Variants in KATNAL1 observed in about 807,000 individuals in gnomAD.
KATNAL1 encodes the protein katanin p60 ATPase-containing subunit A-like 1.
In KATNAL1, 32 loss-of-function variants were observed where a neutral mutation model predicts 55.2. That is an observed-to-expected ratio of 0.58 (90% CI 0.44 to 0.78). The LOEUF (loss-of-function observed/expected upper bound fraction) is 0.78, where lower values mean the gene tolerates loss of function less well. Among genes scored for constraint, KATNAL1 ranks in the 30% least tolerant of loss-of-function variants. The pLI is 0.00. For missense variants in KATNAL1, 466 were observed against 600.9 expected (o/e 0.78, Z 2.35); for synonymous variants, 193 against 193.6 (o/e 1.00, Z 0.02).
chr13:30,231,544 T>G, intron 6 of KATNAL1, 72 bp from the exon 7 acceptor site: 3 of 946,494 alleles, frequency 3.2e-6, no homozygotes, highest in Non-Finnish European at 4.4e-6. Context: ...CATCAGCTAT[T>G]AATGTACATT....
At chr13:30,242,414 G>A (rs1230824576) in intron 4 of KATNAL1, among the ~76,000 whole-genome samples, 4 of 152,094 alleles carry the variant, frequency 2.6e-5, no homozygotes, top group Admixed American at 6.5e-5. Flanking sequence ...CATCTTCTAC[G>A]TGCAATACAT....
chr13:30,240,337 G>A, intron 6 of KATNAL1, 123 bp downstream of exon 6: 2 of 636,786 alleles, frequency 3.1e-6, no homozygotes, highest in Non-Finnish European at 2.8e-6. Flanking sequence ...TGTTTTGGGT[G>A]TACATAAACT....
At position 30,230,546 on chromosome 13, in the gene KATNAL1, T is replaced by C. The variant is rs1477759601; in HGVS notation, c.934A>G (p.Ile312Val). Reference protein sequence around the residue: ...TTIFIDEIDSICSRRGTSDEH... With the variant: ...TTIFIDEIDSVCSRRGTSDEH... ...TCAGAGGTTCCTCTTCGACTGCAGA[T>C]AGAATCTATCTCATCAATGAAGATC... Residue 312 changes from isoleucine (I) to valine (V), a missense_variant, in exon 8 of 11, where the codon ATC (isoleucine) becomes GTC (valine). Physicochemically the swap from Ile to Val is conservative, Grantham distance 29. This residue lies in a region of KATNAL1 where 213 missense variants were observed against 308.6 expected (regional missense o/e 0.69). Transcript: ENST00000380615. 8 of 1,612,526 alleles carry C rather than the reference T, an allele frequency of 5.0e-6. No homozygotes were observed. Among genetic ancestry groups the C allele is most frequent in the South Asian group, 1.1e-5 (1 of 91,028 alleles).
intron 3 of KATNAL1, among the ~76,000 whole-genome samples, chr13:30,262,846 G>A (rs1274031407): frequency 6.6e-6 from 1 of 151,734 alleles, no homozygotes; most frequent in Admixed American, 6.6e-5. Flanking sequence ...AGAAAAAGAG[G>A]GAATCCTCCC....
intron 1 of KATNAL1, among the ~76,000 whole-genome samples, chr13:30,286,924 G>T (rs571093312): frequency 6.6e-6 from 1 of 152,314 alleles, no homozygotes; most frequent in African/African-American, 2.4e-5. Context: ...TTTAATGACT[G>T]CCCGATTGGA....
rs1422575035 is a variant in KATNAL1 at position 30,260,901 on chromosome 13, CCA to C, written c.324-5288_324-5287del. 2.0e-5 allele frequency among the ~76,000 whole-genome samples: 3 copies of C among 149,896 alleles called. No individual in the cohort carries two copies. In the East Asian group the frequency reaches 5.8e-4, roughly 29 times the overall value. Reference sequence around the variant, plus strand: ...AAGATACTCCTCGAGAAGAGCAACTCCAAGACACATAATTGTCAGATTCACCA... The same window carrying C: ...AAGATACTCCTCGAGAAGAGCAACTCAGACACATAATTGTCAGATTCACCA... On this transcript the variant is annotated intron_variant, in intron 3 of 10. Transcript: ENST00000380615.
intron 3 of KATNAL1, among the ~76,000 whole-genome samples, chr13:30,268,356 C>G (rs1287675697): frequency 6.6e-6 from 1 of 152,112 alleles, no homozygotes; most frequent in Non-Finnish European, 1.5e-5. Flanking sequence ...AAGAGAACTG[C>G]CAGCTATAGA....
Position 30,207,190 on chromosome 13 carries a change from A to G in KATNAL1, c.*1350T>C, listed in dbSNP as rs1205734983. The G allele has an allele frequency of 6.6e-6, 1 of 152,238 alleles. No homozygotes were observed. The highest frequency in any genetic ancestry group is 2.4e-5 in the African/African-American group (1 of 41,466). 9.4% of individuals were successfully genotyped at this position (152,238 alleles called of 1,614,324 possible). A position where few individuals can be genotyped will look rare whatever the true frequency, so the allele number is the denominator to read the frequency against. On this transcript the variant is annotated 3_prime_UTR_variant, in exon 11 of 11. Transcript: ENST00000380615. ...TTTAAAAGCTTGACCATTAAAGCAT[A>G]AATTGCCTAATGAGACACATGTAAT... is the stretch of plus-strand genomic sequence containing the variant.
chr13:30,274,892 C>CAT (rs1555265583), intron 3 of KATNAL1, among the ~76,000 whole-genome samples: 6,490 of 87,564 alleles, frequency 0.074, 200 homozygotes, highest in Admixed American at 0.14. Context: ...CACACACATA[C>CAT]GCGCGCGCGC....
At chr13:30,209,844 C>T (rs1332586020) in intron 10 of KATNAL1, among the ~76,000 whole-genome samples, 1 of 151,962 alleles carries the variant, frequency 6.6e-6, no homozygotes, top group African/African-American at 2.4e-5. Context: ...TGCAGTGGCG[C>T]GATCTCGGCT....
chr13:30,270,774 C>A (rs1160959540), intron 3 of KATNAL1, among the ~76,000 whole-genome samples: 1 of 149,632 alleles, frequency 6.7e-6, no homozygotes, highest in South Asian at 2.1e-4. Context: ...ACAAACACTG[C>A]GGAAGGCCGC....
At chr13:30,275,630 A>C (rs1252211722) in intron 3 of KATNAL1, among the ~76,000 whole-genome samples, 1 of 152,220 alleles carries the variant, frequency 6.6e-6, no homozygotes, top group Non-Finnish European at 1.5e-5. Flanking sequence ...AGTTCTAGAT[A>C]TCTAATGTAC....
At chr13:30,236,469 C>G (rs1461455235) in intron 6 of KATNAL1, among the ~76,000 whole-genome samples, 1 of 152,190 alleles carries the variant, frequency 6.6e-6, no homozygotes, top group African/African-American at 2.4e-5. Flanking sequence ...GTCACTGATA[C>G]CTTCTAAACA....
At chr13:30,274,428 T>C (rs1880601835) in intron 3 of KATNAL1, among the ~76,000 whole-genome samples, 1 of 147,410 alleles carries the variant, frequency 6.8e-6, no homozygotes, top group East Asian at 2.0e-4. Context: ...AGCACTAATT[T>C]GATCTTAAAA....
At chr13:30,280,030 A>AGTGC in intron 3 of KATNAL1, 33 bp downstream of exon 3, 1 of 1,563,544 alleles carries the variant, frequency 6.4e-7, no homozygotes, top group East Asian at 2.3e-5. Flanking sequence ...AATTAACTAG[A>AGTGC]AGCACCTAAA....
intron 9 of KATNAL1, among the ~76,000 whole-genome samples, chr13:30,211,169 C>A (rs1438920891): frequency 6.6e-6 from 1 of 152,162 alleles, no homozygotes; most frequent in Non-Finnish European, 1.5e-5. Context: ...TCCTGAGATA[C>A]AAAATGAAAT....
At chr13:30,285,365 A>G (rs1881707103) in intron 1 of KATNAL1, among the ~76,000 whole-genome samples, 1 of 152,228 alleles carries the variant, frequency 6.6e-6, no homozygotes, top group South Asian at 2.1e-4. Flanking sequence ...GTAACGGATC[A>G]AGGGGACAGT....
chr13:30,305,742 A>G (rs1883138265), intron 1 of KATNAL1, among the ~76,000 whole-genome samples: 1 of 152,234 alleles, frequency 6.6e-6, no homozygotes, highest in Admixed American at 6.5e-5. Flanking sequence ...AGCAACTTGC[A>G]CTTATCTCTA....
intron 8 of KATNAL1, among the ~76,000 whole-genome samples, chr13:30,229,662 G>A (rs1311770024): frequency 6.6e-6 from 1 of 152,086 alleles, no homozygotes; most frequent in East Asian, 1.9e-4. Context: ...AGGCTGCAGT[G>A]AGCTGTGTTC....
Sources: allele counts gnomAD v4.1 joint callset (sites outside exome capture counted in the v4.1 genomes callset), GRCh38; gene constraint gnomAD v4.1.1; regional missense constraint gnomAD v4.1.1; transcripts MANE v1.5; gene names NCBI Gene and HGNC (gene_info 2026-07-23, HGNC 2026-07-21).